The following DLGAP4 variants were observed in gnomAD, a reference collection of about 807,000 sequenced individuals.
DLGAP4 encodes the protein disks large-associated protein 4.
Under a neutral mutation model 86.9 loss-of-function variants are expected in DLGAP4, and 18 were observed. The ratio of observed to expected loss-of-function variants is 0.21; its 90% CI spans 0.14 to 0.31. The LOEUF (loss-of-function observed/expected upper bound fraction) is 0.31, where lower values mean the gene tolerates loss of function less well. Among genes scored for constraint, DLGAP4 ranks in the 10% least tolerant of loss-of-function variants. DLGAP4 has a pLI of 1.00. For synonymous variants in DLGAP4, 548 were observed against 574.3 expected, an observed-to-expected ratio of 0.95 and a Z score of 0.65; for missense variants, 1,085 against 1,362.6, an observed-to-expected ratio of 0.80 and a Z score of 3.21.
chr20:36,489,039 C>T (rs1027063752), intron 7 of DLGAP4, among the ~76,000 whole-genome samples: 1 of 152,164 alleles, frequency 6.6e-6, no homozygotes, highest in East Asian at 1.9e-4. Flanking sequence ...TATGTAGGTG[C>T]CATTTTAAAC....
rs146907796 is a variant in DLGAP4 at position 36,451,498 on chromosome 20, G to A, written c.1648+4561G>A. 3.4e-3 allele frequency among the ~76,000 whole-genome samples: 523 copies of A among 152,108 alleles called. 2 individuals are homozygous for A. The highest frequency in any genetic ancestry group is 0.012 in the African/African-American group (491 of 41,512). ...CCCAAGTAGCTGGGAATACAGGCGT[G>A]TGCCACCATGCCTGGCTAATTTTTG... On this transcript the variant is annotated intron_variant, in intron 7 of 12. Transcript: ENST00000339266.
chr20:36,526,698 C>A, intron 12 of DLGAP4, 115 bp from the exon 13 acceptor site: 1 of 941,940 alleles, frequency 1.1e-6, no homozygotes, highest in Non-Finnish European at 1.6e-6. Flanking sequence ...TGCTTGTGCC[C>A]GATGCGGGGA....
intron 2 of DLGAP4, among the ~76,000 whole-genome samples, chr20:36,396,383 A>C: frequency 2.7e-5 from 1 of 37,254 alleles, no homozygotes. Context: ...CACCCCACAT[A>C]CACACATGCC....
Position 36,429,979 on chromosome 20 carries a change from A to G in DLGAP4, c.-72-1667A>G, listed in dbSNP as rs940927232. On this transcript the variant is annotated intron_variant, in intron 2 of 12. Coordinates refer to ENST00000339266, the MANE Select transcript of DLGAP4 (RefSeq NM_001365621.2). ...CACTTGCTCTGCTCCAGCCACACTG[A>G]CTCTTTGCCAATCCTCAGCACACCA... is the stretch of plus-strand genomic sequence containing the variant. Among the ~76,000 whole-genome samples, 20 of 152,000 alleles carry G rather than the reference A, an allele frequency of 1.3e-4. 1 individual carries two copies. Among genetic ancestry groups the G allele is most frequent in the African/African-American group, 4.8e-4 (20 of 41,482 alleles).
intron 1 of DLGAP4, among the ~76,000 whole-genome samples, chr20:36,346,800 T>G (rs911605449): frequency 6.6e-6 from 1 of 152,180 alleles, no homozygotes; most frequent in Non-Finnish European, 1.5e-5. Flanking sequence ...TTAAAACTCA[T>G]GCATACCCTG....
At position 36,462,039 on chromosome 20, in the gene DLGAP4, G is replaced by A. The variant is rs1310153237; in HGVS notation, c.1648+15102G>A. ...AGAACACCTTCCACTCTCCCCAAGG[G>A]CTCCCCGTGAGTTTCTTGCACATCC... On this transcript the variant is annotated intron_variant, in intron 7 of 12. Transcript: ENST00000339266. 4.1e-6 allele frequency: 4 copies of A among 986,696 alleles called. No individual in the cohort carries two copies. The African/African-American group carries it at 7.0e-5, about 17-fold the overall frequency. 61.1% of individuals were successfully genotyped at this position (986,696 alleles called of 1,614,324 possible).
chr20:36,525,247 A>C (rs1418819606), intron 11 of DLGAP4, among the ~76,000 whole-genome samples: 1 of 75,650 alleles, frequency 1.3e-5, no homozygotes, highest in African/African-American at 3.3e-5. Flanking sequence ...AAAAAAAAAA[A>C]AAAAAAACAA....
intron 1 of DLGAP4, among the ~76,000 whole-genome samples, chr20:36,339,767 T>C (rs1407570907): frequency 6.6e-6 from 1 of 152,126 alleles, no homozygotes; most frequent in Non-Finnish European, 1.5e-5. Flanking sequence ...ACCAGCAGTG[T>C]GGCATTTGAG....
chr20:36,356,976 A>G (rs1346540823), intron 1 of DLGAP4, among the ~76,000 whole-genome samples: 5 of 152,132 alleles, frequency 3.3e-5, no homozygotes, highest in Non-Finnish European at 7.4e-5. Context: ...TTCAGGCCCC[A>G]GTATCCTAGG....
chr20:36,462,587 C>T (rs1317293785), intron 7 of DLGAP4: 1 of 1,598,192 alleles, frequency 6.3e-7, no homozygotes, highest in Non-Finnish European at 8.5e-7. Context: ...GTGTCTGGAG[C>T]TCTTGAAGCA....
In DLGAP4 at chr20:36,432,461, C is replaced by T; in HGVS notation, c.744C>T (p.Thr248=). 1 of 1,613,868 alleles carries T rather than the reference C, an allele frequency of 6.2e-7. No homozygotes were observed. Among genetic ancestry groups the T allele is most frequent in the East Asian group, 2.2e-5 (1 of 44,880 alleles). The change falls in exon 3 of 13, where the codon ACC becomes ACT. Residue 248 remains threonine (T), a synonymous_variant. Coordinates refer to ENST00000339266, the MANE Select transcript of DLGAP4 (RefSeq NM_001365621.2). The surrounding 1 kb of genome is among the most constrained non-coding windows in gnomAD (Gnocchi z 6.5). ...QPRYFMHAYN[T]ISGHMLKTTK... ...GCTACTTCATGCACGCCTACAACAC[C>T]ATCAGTGGGCACATGCTCAAAACCA...
chr20:36,399,791 G>T (rs1021176874), intron 2 of DLGAP4, among the ~76,000 whole-genome samples: 3 of 152,202 alleles, frequency 2.0e-5, no homozygotes, highest in Non-Finnish European at 2.9e-5. Flanking sequence ...GTTTCCATTA[G>T]TTATGTCTGC....
chr20:36,312,435 G>A (rs889873338), intron 1 of DLGAP4, among the ~76,000 whole-genome samples: 2 of 152,104 alleles, frequency 1.3e-5, no homozygotes, highest in East Asian at 1.9e-4. Flanking sequence ...TCACATTTGC[G>A]CTCCTCTTAG....
chr20:36,426,342 C>T (rs994434194), intron 2 of DLGAP4, among the ~76,000 whole-genome samples: 8 of 152,110 alleles, frequency 5.3e-5, no homozygotes, highest in African/African-American at 1.7e-4. Context: ...TGGTGAAACC[C>T]GTTCTCCACT....
Position 36,462,307 on chromosome 20 carries a change from C to A in DLGAP4, c.1648+15370C>A, listed in dbSNP as rs187143792. Reference sequence around the variant, plus strand: ...CCTTGTTCTCTCTCAGGTCTCCGAGCACCCCCACTTCTCGGGATCGGGGTC... The same window carrying A: ...CCTTGTTCTCTCTCAGGTCTCCGAGAACCCCCACTTCTCGGGATCGGGGTC... On this transcript the variant is annotated intron_variant, in intron 7 of 12. Coordinates refer to ENST00000339266, the MANE Select transcript of DLGAP4 (RefSeq NM_001365621.2). 9.6e-5 allele frequency: 129 copies of A among 1,341,908 alleles called. No individual in the cohort carries two copies. The Middle Eastern group carries it at 2.7e-3, about 28-fold the overall frequency. 83.1% of individuals were successfully genotyped at this position (1,341,908 alleles called of 1,614,324 possible).
intron 1 of DLGAP4, among the ~76,000 whole-genome samples, chr20:36,338,189 G>A (rs889729530): frequency 3.3e-5 from 5 of 152,220 alleles, no homozygotes; most frequent in African/African-American, 7.2e-5. Flanking sequence ...TCTGCTGAGA[G>A]CTGGGCACTG....
chr20:36,431,215 G>T lies in DLGAP4; in HGVS notation c.-72-431G>T, dbSNP rs2147538702. Among the ~76,000 whole-genome samples the T allele has an allele frequency of 6.6e-6, 1 of 152,250 alleles. No individual in the cohort carries two copies. Among genetic ancestry groups the T allele is most frequent in the Admixed American group, 6.5e-5 (1 of 15,282 alleles). ...GGGGTTCCGGGATGACTGTTTGGGGGCCTGTGGACAGAGCTAGGAGATGTG... is the reference window on the plus strand; with the variant it reads ...GGGGTTCCGGGATGACTGTTTGGGGTCCTGTGGACAGAGCTAGGAGATGTG... On this transcript the variant is annotated intron_variant, in intron 2 of 12. Transcript: ENST00000339266. The surrounding 1 kb of genome is among the most constrained non-coding windows in gnomAD (Gnocchi z 5.1).
chr20:36,491,955 C>A (rs2035682759), intron 7 of DLGAP4, among the ~76,000 whole-genome samples: 1 of 152,180 alleles, frequency 6.6e-6, no homozygotes, highest in African/African-American at 2.4e-5. Flanking sequence ...CAGTTGACTC[C>A]TCCAAGCCCG....
intron 10 of DLGAP4, among the ~76,000 whole-genome samples, chr20:36,502,418 T>G (rs1376828504): frequency 6.6e-6 from 1 of 152,216 alleles, no homozygotes; most frequent in Non-Finnish European, 1.5e-5. Flanking sequence ...GGCATAAGCA[T>G]AGCTCACTGC....
Sources: allele counts gnomAD v4.1 joint callset (sites outside exome capture counted in the v4.1 genomes callset), GRCh38; gene constraint gnomAD v4.1.1; non-coding constraint Gnocchi (gnomAD v3.1); transcripts MANE v1.5; gene names NCBI Gene and HGNC (gene_info 2026-07-23, HGNC 2026-07-21).